Variants in DHRS4L2 observed in about 807,000 individuals in gnomAD.
DHRS4L2 encodes the protein dehydrogenase/reductase 4 like 2, also known as dehydrogenase/reductase SDR family member 4-like 2.
In DHRS4L2, 22 loss-of-function variants were observed where a neutral mutation model predicts 23.9. That is an observed-to-expected ratio of 0.92 (90% CI 0.66 to 1.31). DHRS4L2 has a LOEUF of 1.31. Among genes scored for constraint, DHRS4L2 ranks in the 40% most tolerant of loss-of-function variants. The pLI is 0.00. For synonymous variants in DHRS4L2, 141 were observed against 123.7 expected (o/e 1.14, Z -0.93); for missense variants, 385 against 303.3 (o/e 1.27, Z -2.00).
At chr14:23,985,332 C>T (rs902647171), upstream of DHRS4L2, among the ~76,000 whole-genome samples, 2 of 151,632 alleles carry the variant, frequency 1.3e-5, no homozygotes, top group Non-Finnish European at 2.9e-5. Flanking sequence ...CTTGCCAGCA[C>T]TTACTAAGGA....
upstream of DHRS4L2, among the ~76,000 whole-genome samples, chr14:23,985,969 C>T (rs1188960568): frequency 6.6e-6 from 1 of 151,434 alleles, no homozygotes; most frequent in African/African-American, 2.4e-5. Context: ...TTAGTAAAGA[C>T]AGGATTTCAC....
At chr14:23,970,437 A>G (rs577003103) in intron 1 of DHRS4L2, 123 of 357,334 alleles carry the variant, frequency 3.4e-4, no homozygotes, top group African/African-American at 2.5e-3. Flanking sequence ...TAGGCGTTCT[A>G]TGATCACAGT....
At chr14:23,990,651 G>T (rs968169025) in intron 2 of DHRS4L2, 2 of 1,198,892 alleles carry the variant, frequency 1.7e-6, no homozygotes, top group African/African-American at 1.6e-5. Flanking sequence ...CAAAATAGAT[G>T]TTCCCACCCA....
At chr14:23,975,572 A>T (rs2033949995) in intron 1 of DHRS4L2, among the ~76,000 whole-genome samples, 1 of 151,814 alleles carries the variant, frequency 6.6e-6, no homozygotes, top group Admixed American at 6.6e-5. Context: ...CAGAATTGGA[A>T]AAAACTACTT....
At chr14:23,988,328 T>A (rs184297225), upstream of DHRS4L2, among the ~76,000 whole-genome samples, 446 of 148,132 alleles carry the variant, frequency 3.0e-3, 42 homozygotes, top group Admixed American at 0.027. Flanking sequence ...GTTTTGCCAA[T>A]GACCGTAGTC....
At chr14:23,999,250 A>C (rs1166033573) in intron 3 of DHRS4L2, among the ~76,000 whole-genome samples, 3 of 150,448 alleles carry the variant, frequency 2.0e-5, no homozygotes, top group Admixed American at 6.6e-5. Context: ...AAATATTCCA[A>C]GAATTACCAA....
upstream of DHRS4L2, among the ~76,000 whole-genome samples, chr14:23,984,377 A>C (rs1295374974): frequency 6.6e-6 from 1 of 151,734 alleles, no homozygotes; most frequent in East Asian, 1.9e-4. Flanking sequence ...TAAAATTCCA[A>C]TTCAGAGAAA....
chr14:23,981,956 G>A (rs1170342349), intron 1 of DHRS4L2, among the ~76,000 whole-genome samples: 1 of 151,682 alleles, frequency 6.6e-6, no homozygotes, highest in Non-Finnish European at 1.5e-5. Flanking sequence ...ATGTACAATC[G>A]TGTTTTATAC....
intron 1 of DHRS4L2, among the ~76,000 whole-genome samples, chr14:23,977,962 T>C (rs1274554875): frequency 6.6e-6 from 1 of 151,668 alleles, no homozygotes; most frequent in Non-Finnish European, 1.5e-5. Context: ...CACTCCTCTC[T>C]CTCTGGATAT....
chr14:24,001,974 C>T (rs374324521), intron 6 of DHRS4L2, among the ~76,000 whole-genome samples: 4,632 of 14,488 alleles, frequency 0.32, 12 homozygotes, highest in Middle Eastern at 0.43. Context: ...TTTTTTTTTT[C>T]TTTTTTAATT....
chr14:24,004,376 A>T lies in DHRS4L2; in HGVS notation c.*6A>T. 1 of 1,603,958 alleles carries T rather than the reference A, an allele frequency of 6.2e-7. No individual in the cohort carries two copies. Among genetic ancestry groups the T allele is most frequent in the Non-Finnish European group, 8.5e-7 (1 of 1,178,440 alleles). On this transcript the variant is annotated 3_prime_UTR_variant, in exon 7 of 8. Transcript: ENST00000335125. ...GGAAAAAGAGGAAAGCATGAAAGAA[A>T]CCCTGCGGATAAGAAGGTAAACTGT... is the stretch of plus-strand genomic sequence containing the variant.
chr14:23,974,230 C>G (rs1353020514), intron 1 of DHRS4L2, among the ~76,000 whole-genome samples: 1 of 151,742 alleles, frequency 6.6e-6, no homozygotes, highest in Non-Finnish European at 1.5e-5. Flanking sequence ...AGCAGAATCT[C>G]TGGGACACAT....
At chr14:23,981,549 G>A (rs1360044693) in intron 1 of DHRS4L2, among the ~76,000 whole-genome samples, 1 of 151,706 alleles carries the variant, frequency 6.6e-6, no homozygotes, top group Non-Finnish European at 1.5e-5. Context: ...CAGGATGAGA[G>A]ACTGAGGAAA....
At chr14:23,986,740 C>G (rs1317538022), upstream of DHRS4L2, among the ~76,000 whole-genome samples, 6 of 151,048 alleles carry the variant, frequency 4.0e-5, 1 homozygote, top group Non-Finnish European at 7.4e-5. Context: ...TCAAATACCC[C>G]CCTGGAGGCT....
intron 2 of DHRS4L2, among the ~76,000 whole-genome samples, chr14:23,993,347 C>G (rs368833070): frequency 2.6e-5 from 4 of 151,692 alleles, no homozygotes; most frequent in Non-Finnish European, 5.9e-5. Flanking sequence ...AACACGTTGA[C>G]AAACCCAGCA....
chr14:23,987,230 A>T, upstream of DHRS4L2: 1 of 357,638 alleles, frequency 2.8e-6, no homozygotes, highest in Non-Finnish European at 5.6e-6. Flanking sequence ...TCCCGTGTTC[A>T]TGCCATTCCC....
At chr14:23,981,041 T>TTCACC (rs2034042421) in intron 1 of DHRS4L2, among the ~76,000 whole-genome samples, 1 of 151,772 alleles carries the variant, frequency 6.6e-6, no homozygotes, top group South Asian at 2.1e-4. Flanking sequence ...ATGACATGAT[T>TTCACC]GTATATTTAG....
intron 2 of DHRS4L2, among the ~76,000 whole-genome samples, chr14:23,991,279 G>A (rs1251287054): frequency 6.6e-6 from 1 of 151,718 alleles, no homozygotes; most frequent in Non-Finnish European, 1.5e-5. Context: ...ATGTGCATTG[G>A]AAAGAGCCAA....
chr14:23,986,293 G>A (rs577456727), upstream of DHRS4L2, among the ~76,000 whole-genome samples: 6 of 151,166 alleles, frequency 4.0e-5, no homozygotes, highest in Non-Finnish European at 8.9e-5. Flanking sequence ...TCACTCATAG[G>A]TGGGAATTGA....
Sources: allele counts gnomAD v4.1 joint callset (sites outside exome capture counted in the v4.1 genomes callset), GRCh38; gene constraint gnomAD v4.1.1; transcripts MANE v1.5; gene names NCBI Gene and HGNC (gene_info 2026-07-23, HGNC 2026-07-21).